The following SLC12A9 variants were observed in gnomAD, a reference collection of about 807,000 sequenced individuals.
SLC12A9 encodes CCC-interacting protein 1.
A neutral mutation model predicts 66.0 loss-of-function variants in SLC12A9; 55 were observed. The observed-to-expected ratio is 0.83, with a 90% CI of 0.67 to 1.04. The LOEUF is 1.04. SLC12A9 is among the 50% of genes least tolerant of loss of function. The probability of loss-of-function intolerance (pLI) is 0.00; values close to 1 mark genes in which losing one functional copy is unlikely to be tolerated. For missense variants in SLC12A9, 1,061 were observed against 1,241.9 expected (o/e 0.85, Z 2.19); for synonymous variants, 577 against 569.0 (o/e 1.01, Z -0.20).
At chr7:100,833,932 C>CAAAAAAAAAAA (rs60667059) in intron 1 of SLC12A9, among the ~76,000 whole-genome samples, 24 of 63,058 alleles carry the variant, frequency 3.8e-4, no homozygotes, top group African/African-American at 1.5e-3. Flanking sequence ...GACTCTGTCT[C>CAAAAAAAAAAA]AAAAAAAAAA....
exon 1 of SLC12A9, chr7:100,826,968 A>G: frequency 1.3e-6 from 2 of 1,521,362 alleles, no homozygotes; most frequent in South Asian, 1.2e-5. Flanking sequence ...CCCCCCCGCA[A>G]GGAAACTCAC....
chr7:100,834,932 G>T (rs1380759006), intron 1 of SLC12A9, among the ~76,000 whole-genome samples: 4 of 152,268 alleles, frequency 2.6e-5, no homozygotes, highest in African/African-American at 9.6e-5. Flanking sequence ...ACAGGAGGCT[G>T]AGACAGGAGG....
At chr7:100,832,808 C>T (rs572280147) in intron 1 of SLC12A9, among the ~76,000 whole-genome samples, 1 of 152,062 alleles carries the variant, frequency 6.6e-6, no homozygotes, top group East Asian at 1.9e-4. Context: ...CAGGGTCTCC[C>T]TTTGTCACCC....
intron 1 of SLC12A9, among the ~76,000 whole-genome samples, chr7:100,838,296 C>A (rs1359108274): frequency 2.6e-5 from 4 of 152,106 alleles, no homozygotes; most frequent in African/African-American, 9.7e-5. Flanking sequence ...CCATGTGGTT[C>A]AATTTTAAAT....
rs373455092 is a variant in SLC12A9 at position 100,861,953 on chromosome 7, C to T, written c.1711+42C>T. 54 of 1,483,732 alleles carry T rather than the reference C, an allele frequency of 3.6e-5. No homozygotes were observed. Among genetic ancestry groups the T allele is most frequent in the Admixed American group, 5.0e-5 (2 of 40,288 alleles). The allele number at this position is 1,483,732 out of a possible 1,614,324, so 91.9% of individuals were successfully genotyped here. ...CTCACTCACTCACTCCCATCCTTCT[C>T]TCCCCCTACCTTTTTTTTTTTTTTG... On this transcript the variant is annotated intron_variant, in intron 12 of 13. Transcript: ENST00000354161. The surrounding 1 kb of genome is among the most constrained non-coding windows in gnomAD (Gnocchi z 5.3).
At chr7:100,839,425 C>T (rs971369373) in intron 1 of SLC12A9, among the ~76,000 whole-genome samples, 6 of 152,200 alleles carry the variant, frequency 3.9e-5, no homozygotes, top group African/African-American at 1.2e-4. Context: ...TTCTTTAACT[C>T]AGTGTCTGAG....
chr7:100,828,206 G>A (rs556446751), intron 1 of SLC12A9, among the ~76,000 whole-genome samples: 5 of 152,286 alleles, frequency 3.3e-5, no homozygotes, highest in Non-Finnish European at 7.4e-5. Flanking sequence ...ACTAAGCTGC[G>A]CTAGGGAGTA....
rs775129209 is a variant in SLC12A9, at chr7:100,865,829, G to T, written c.1969G>T (p.Gly657Cys). ...FSEPADSTRE[G>C]SSPALSTLFP... Reference sequence around the variant, plus strand: ...TGAGCCTGCAGACAGCACCAGGGAGGGCAGTTCCCCAGCTCTGAGCACCCT... The same window carrying T: ...TGAGCCTGCAGACAGCACCAGGGAGTGCAGTTCCCCAGCTCTGAGCACCCT... The change falls in exon 14 of 14, where the codon GGC (glycine) becomes TGC (cysteine). Residue 657 changes from glycine (G) to cysteine (C), a missense_variant. Gly to Cys is a radical substitution (Grantham distance 159, BLOSUM62 -3). Coordinates refer to ENST00000354161, the MANE Select transcript of SLC12A9 (RefSeq NM_020246.4). 8 of 1,613,796 alleles carry T rather than the reference G, an allele frequency of 5.0e-6. No homozygotes were observed. The East Asian group carries it at 1.8e-4, about 36-fold the overall frequency.
At position 100,857,179 on chromosome 7, in the gene SLC12A9, G is replaced by A. The variant is rs1397299157; in HGVS notation, c.757+3G>A. 1 of 1,606,958 alleles carries A rather than the reference G, an allele frequency of 6.2e-7. No individual in the cohort carries two copies. The highest frequency in any genetic ancestry group is 8.5e-7 in the Non-Finnish European group (1 of 1,174,952). Reference sequence around the variant, plus strand: ...TACCCTGAAGGACAACTTGGGCGGTGAGCTGGGTGCTGCCGTGGCAGGGAT... The same window carrying A: ...TACCCTGAAGGACAACTTGGGCGGTAAGCTGGGTGCTGCCGTGGCAGGGAT... On this transcript the variant is annotated splice_donor_region_variant and intron_variant, in intron 5 of 13. Coordinates refer to ENST00000354161, the MANE Select transcript of SLC12A9 (RefSeq NM_020246.4).
chr7:100,865,068 A>T (rs528409372), intron 13 of SLC12A9, among the ~76,000 whole-genome samples: 4 of 151,794 alleles, frequency 2.6e-5, no homozygotes, highest in Non-Finnish European at 5.9e-5. Context: ...GGCAATTCTC[A>T]TGTCTCAGCC....
intron 1 of SLC12A9, among the ~76,000 whole-genome samples, chr7:100,831,084 A>G (rs1395602638): frequency 6.6e-6 from 1 of 152,238 alleles, no homozygotes; most frequent in East Asian, 1.9e-4. Context: ...CTTTGTTCCC[A>G]GCCCAGAGCA....
intron 1 of SLC12A9, among the ~76,000 whole-genome samples, chr7:100,831,221 T>C (rs1813537412): frequency 1.3e-5 from 2 of 152,198 alleles, no homozygotes; most frequent in Non-Finnish European, 2.9e-5. Flanking sequence ...CGTTTCACTC[T>C]TGTTGCCCAG....
At chr7:100,840,522 G>A (rs1813763502) in intron 1 of SLC12A9, among the ~76,000 whole-genome samples, 1 of 151,922 alleles carries the variant, frequency 6.6e-6, no homozygotes, top group African/African-American at 2.4e-5. Flanking sequence ...AACACACAGC[G>A]GTTGAGAACA....
chr7:100,854,656 T>C lies in SLC12A9; in HGVS notation c.218T>C (p.Leu73Pro). 6.2e-7 allele frequency: 1 copy of C among 1,614,080 alleles called. No homozygotes were observed. Among genetic ancestry groups the C allele is most frequent in the Non-Finnish European group, 8.5e-7 (1 of 1,179,998 alleles). The part of the protein sequence containing the change: ...VVGHAGLLQA[L>P]AMLLVAYFIL... ...GGTCATGCTGGGCTACTGCAGGCCC[T>C]GGCCATGCTGCTGGTTGCCTACTTC... is the stretch of plus-strand genomic sequence containing the variant. Residue 73 changes from leucine to proline, a missense_variant, in exon 3 of 14, where the codon CTG becomes CCG. Physicochemically the swap from Leu to Pro is moderately conservative, Grantham distance 98. Transcript: ENST00000354161.
chr7:100,860,565 G>A (rs1814686622), intron 9 of SLC12A9: 1 of 380,504 alleles, frequency 2.6e-6, no homozygotes. Flanking sequence ...AGCACTTTGA[G>A]GGATTCACTG....
chr7:100,863,363 G>A (rs1265872264), intron 13 of SLC12A9, among the ~76,000 whole-genome samples: 1 of 132,414 alleles, frequency 7.6e-6, no homozygotes, highest in Admixed American at 8.9e-5. Context: ...ACTGTGCCCA[G>A]CCTTTCCTTC....
chr7:100,857,067 G>A lies in SLC12A9; in HGVS notation c.648G>A (p.Pro216=), dbSNP rs763285210. 36 of 1,614,056 alleles carry A rather than the reference G, an allele frequency of 2.2e-5. No homozygotes were observed. The highest frequency in any genetic ancestry group is 8.3e-5 in the Admixed American group (5 of 60,008). ...SVLISFVAVG[P]RDIRLTPRPG... is the part of the protein sequence containing the mutation. Reference sequence around the variant, plus strand: ...TCATCAGTTTTGTGGCTGTGGGGCCGAGGGACATCCGCTTGACTCCTAGGC... The same window carrying A: ...TCATCAGTTTTGTGGCTGTGGGGCCAAGGGACATCCGCTTGACTCCTAGGC... The change falls in exon 5 of 14, where the codon CCG becomes CCA. Residue 216 remains proline, a synonymous_variant. Transcript: ENST00000354161.
At position 100,865,994 on chromosome 7, in the gene SLC12A9, A is replaced by G. The variant is rs1420525436; in HGVS notation, c.2134A>G (p.Ser712Gly). The part of the protein sequence containing the change: ...ASGALPPERL[S>G]RGSGGTSQLH... ...CGGGGCCTTGCCCCCTGAGCGGCTG[A>G]GCCGGGGGTCTGGGGGCACCTCTCA... is the stretch of plus-strand genomic sequence containing the variant. The change falls in exon 14 of 14, where the codon AGC becomes GGC. Residue 712 changes from serine to glycine, a missense_variant. Physicochemically the swap from Ser to Gly is moderately conservative, Grantham distance 56. Coordinates refer to ENST00000354161, the MANE Select transcript of SLC12A9 (RefSeq NM_020246.4). The G allele has an allele frequency of 3.1e-6, 5 of 1,612,570 alleles. No homozygotes were observed. Among genetic ancestry groups the G allele is most frequent in the Non-Finnish European group, 4.2e-6 (5 of 1,179,742 alleles).
rs1234472431 is a variant in SLC12A9 at position 100,866,307 on chromosome 7, A to G, written c.2447A>G (p.Glu816Gly). 7 of 1,514,360 alleles carry G rather than the reference A, an allele frequency of 4.6e-6. No individual in the cohort carries two copies. The highest frequency in any genetic ancestry group is 6.2e-6 in the Non-Finnish European group (7 of 1,129,074). The allele number at this position is 1,514,360 out of a possible 1,614,324, so 93.8% of individuals were successfully genotyped here. Residue 816 changes from glutamate (E) to glycine (G), a missense_variant, in exon 14 of 14, where the codon GAG becomes GGG. Physicochemically the swap from Glu to Gly is moderately conservative, Grantham distance 98 (BLOSUM62 -2). Coordinates refer to ENST00000354161, the MANE Select transcript of SLC12A9 (RefSeq NM_020246.4). This position sits in a 1 kb window ranked among gnomAD's most constrained non-coding sequence, Gnocchi z 7.3. ...GAGAGEPEAE[E>G]EGDFVNSGRG... ...GGGGCTGGGGAACCCGAGGCGGAGG[A>G]GGAAGGGGACTTTGTGAACAGTGGG...
Sources: allele counts gnomAD v4.1 joint callset (sites outside exome capture counted in the v4.1 genomes callset), GRCh38; gene constraint gnomAD v4.1.1; non-coding constraint Gnocchi (gnomAD v3.1); transcripts MANE v1.5; gene names NCBI Gene and HGNC (gene_info 2026-07-23, HGNC 2026-07-21).